Variants in ADGRV1 observed in about 807,000 individuals in gnomAD.
ADGRV1 encodes adhesion G protein-coupled receptor V1, also known as G-protein coupled receptor 98.
In ADGRV1, 359 loss-of-function variants were observed where a neutral mutation model predicts 596.2. That is an observed-to-expected ratio of 0.60 (90% confidence interval 0.55 to 0.66). ADGRV1 has a LOEUF of 0.66. ADGRV1 is among the 30% of genes least tolerant of loss of function. The probability of loss-of-function intolerance (pLI) is 0.00; values close to 1 mark genes in which losing one functional copy is unlikely to be tolerated. For synonymous variants in ADGRV1, 2,681 were observed against 2,679.2 expected (o/e 1.00, Z -0.02); for missense variants, 7,274 against 7,575.6 (o/e 0.96, Z 1.48).
rs997831285 is a variant in ADGRV1 at position 90,693,958 on chromosome 5, T to C, written c.7202T>C (p.Met2401Thr). 3.1e-6 allele frequency: 5 copies of C among 1,607,192 alleles called. No homozygotes were observed. The African/African-American group carries it at 5.3e-5, about 17-fold the overall frequency. Residue 2401 changes from methionine to threonine, a missense_variant, in exon 33 of 90, where the codon ATG becomes ACG. By Grantham distance (81) the Met-to-Thr change is moderately conservative. This residue lies in a region of ADGRV1 where 3,643 missense variants were observed against 3,809.2 expected (regional missense o/e 0.96). Coordinates refer to ENST00000405460, the MANE Select transcript of ADGRV1 (RefSeq NM_032119.4). ...GACATTGATGTAGTGGCTCTGGCAA[T>C]GGAGGAAGGTCAAGATTTACTGTCC... ...TSDIDVVALAMEEGQDLLSYY... is the reference protein window; with the variant it reads ...TSDIDVVALATEEGQDLLSYY...
At chr5:90,571,477 C>T (rs1041152562) in intron 1 of ADGRV1, among the ~76,000 whole-genome samples, 7 of 152,026 alleles carry the variant, frequency 4.6e-5, no homozygotes, top group Admixed American at 2.6e-4. Context: ...TCTCATTGCC[C>T]AGTCTTTCCT....
At chr5:90,559,071 C>T (rs899627732) in intron 1 of ADGRV1, among the ~76,000 whole-genome samples, 154 bp downstream of exon 1, 2 of 151,998 alleles carry the variant, frequency 1.3e-5, no homozygotes, top group Non-Finnish European at 2.9e-5. Flanking sequence ...CCCGGCGCCG[C>T]GGCCTGCGGG....
chr5:90,863,138 C>T (rs1767766042), intron 82 of ADGRV1, among the ~76,000 whole-genome samples: 1 of 152,076 alleles, frequency 6.6e-6, no homozygotes, highest in African/African-American at 2.4e-5. Flanking sequence ...TCTTAAAAGG[C>T]AGAAAATATT....
At chr5:90,649,346 T>G (rs1768263970) in intron 17 of ADGRV1, among the ~76,000 whole-genome samples, 1 of 152,208 alleles carries the variant, frequency 6.6e-6, no homozygotes, top group Admixed American at 6.5e-5. Context: ...ATGACATTTA[T>G]TAACTTAGTG....
At chr5:91,154,137 G>A (rs921379051) in intron 89 of ADGRV1, among the ~76,000 whole-genome samples, 2 of 152,106 alleles carry the variant, frequency 1.3e-5, no homozygotes, top group African/African-American at 4.8e-5. Flanking sequence ...AAAGAAAACC[G>A]TAAACTAATT....
intron 86 of ADGRV1, among the ~76,000 whole-genome samples, chr5:91,074,216 A>G (rs1326995151): frequency 1.3e-5 from 2 of 152,102 alleles, no homozygotes; most frequent in Non-Finnish European, 2.9e-5. Flanking sequence ...CATGTTTATT[A>G]TGTAGATAAA....
At chr5:90,573,968 A>G (rs1756879291) in intron 1 of ADGRV1, among the ~76,000 whole-genome samples, 4 of 150,884 alleles carry the variant, frequency 2.7e-5, no homozygotes, top group Admixed American at 2.6e-4. Context: ...GTAGGTATGC[A>G]GCTTTATTTC....
intron 85 of ADGRV1, among the ~76,000 whole-genome samples, chr5:91,068,912 C>A (rs1221805043): frequency 2.6e-5 from 4 of 151,864 alleles, no homozygotes; most frequent in African/African-American, 9.7e-5. Flanking sequence ...CTATAGTAAC[C>A]AAAACAGCAT....
intron 59 of ADGRV1, among the ~76,000 whole-genome samples, chr5:90,770,802 C>A (rs899745091): frequency 6.6e-6 from 1 of 152,126 alleles, no homozygotes; most frequent in Admixed American, 6.6e-5. Context: ...ATTCCTACTT[C>A]CCAGAGGTAA....
intron 1 of ADGRV1, among the ~76,000 whole-genome samples, chr5:90,594,041 G>C (rs1419137153): frequency 2.6e-5 from 4 of 152,166 alleles, no homozygotes; most frequent in Non-Finnish European, 5.9e-5. Flanking sequence ...ACAAGTGTTT[G>C]TAAGTCTGTG....
At chr5:90,715,155 G>T (rs1749920805) in intron 42 of ADGRV1, among the ~76,000 whole-genome samples, 1 of 152,160 alleles carries the variant, frequency 6.6e-6, no homozygotes. Flanking sequence ...GTAAGACAAG[G>T]ATTTGGACAA....
intron 86 of ADGRV1, 144 bp from the exon 87 acceptor site, chr5:91,102,075 C>T (rs1194505281): frequency 3.5e-5 from 25 of 712,410 alleles, no homozygotes; most frequent in South Asian, 2.0e-5. Context: ...GTGCCTTCTC[C>T]CCTCTGGCAT....
chr5:90,781,365 A>G (rs188836538), intron 64 of ADGRV1, 65 bp from the exon 65 acceptor site: 11 of 1,189,938 alleles, frequency 9.2e-6, no homozygotes, highest in East Asian at 2.5e-5. Flanking sequence ...AATTCATGCT[A>G]TGCAATTATG....
chr5:90,848,584 T>C, intron 78 of ADGRV1, 53 bp from the exon 79 acceptor site: 1 of 1,046,320 alleles, frequency 9.6e-7, no homozygotes, highest in Non-Finnish European at 1.3e-6. Context: ...TAGCATATAA[T>C]TTAAGAAATT....
chr5:90,806,859 A>AT (rs565402360), intron 72 of ADGRV1, among the ~76,000 whole-genome samples: 5,836 of 147,838 alleles, frequency 0.039, 363 homozygotes, highest in African/African-American at 0.13. Context: ...TTTATTTTTA[A>AT]TTTTTTTTTT....
chr5:91,058,556 C>T (rs1227207964), intron 85 of ADGRV1, among the ~76,000 whole-genome samples: 2 of 151,864 alleles, frequency 1.3e-5, no homozygotes, highest in Non-Finnish European at 2.9e-5. Context: ...GTTTAAATCC[C>T]TAGAAAAGCC....
At chr5:90,991,032 A>G (rs1780916916) in intron 85 of ADGRV1, among the ~76,000 whole-genome samples, 1 of 152,200 alleles carries the variant, frequency 6.6e-6, no homozygotes, top group Non-Finnish European at 1.5e-5. Context: ...ATGTTCATAC[A>G]TAGAGAATAT....
intron 83 of ADGRV1, among the ~76,000 whole-genome samples, chr5:90,883,495 CTTGCAAACTGGTCA>C (rs1769989944): frequency 6.6e-6 from 1 of 152,166 alleles, no homozygotes; most frequent in Non-Finnish European, 1.5e-5. Flanking sequence ...TAATGATTCT[CTTGCAAACTGGTCA>C]TTCCTGTGAT....
intron 21 of ADGRV1, among the ~76,000 whole-genome samples, chr5:90,659,504 T>TA (rs1255196013): frequency 2.6e-5 from 4 of 152,172 alleles, no homozygotes; most frequent in African/African-American, 9.7e-5. Context: ...CATGCCTGGG[T>TA]AAAAGACTGT....
Sources: gnomAD v4.1 joint callset for allele counts (sites outside exome capture counted in the v4.1 genomes callset) on GRCh38, gnomAD v4.1.1 for gene constraint, gnomAD v4.1.1 regional missense constraint, MANE v1.5 for transcripts, NCBI Gene and HGNC (gene_info 2026-07-23, HGNC 2026-07-21) for gene names.